The following SIN3B variants were observed in gnomAD, a reference collection of about 807,000 sequenced individuals.
SIN3B encodes SIN3 transcription regulator family member B, also known as paired amphipathic helix protein Sin3b.
A neutral mutation model predicts 120.2 loss-of-function variants in SIN3B; 19 were observed. That is an observed-to-expected ratio of 0.16 (90% CI 0.11 to 0.23). SIN3B has a LOEUF of 0.23. SIN3B is among the 10% of genes least tolerant of loss of function. SIN3B has a pLI of 1.00. For synonymous variants in SIN3B, 654 were observed against 653.2 expected (o/e 1.00, Z -0.02); for missense variants, 1,073 against 1,573.0 (o/e 0.68, Z 5.38).
intron 14 of SIN3B, among the ~76,000 whole-genome samples, chr19:16,874,917 A>T (rs1239763167): frequency 2.0e-5 from 2 of 101,314 alleles, no homozygotes; most frequent in South Asian, 6.4e-4. Context: ...AATCTGGTCT[A>T]GTTTGGTTGG....
chr19:16,877,494 C>T (rs756757507), intron 16 of SIN3B, 51 bp from the exon 17 acceptor site: 3 of 1,348,552 alleles, frequency 2.2e-6, no homozygotes, highest in Non-Finnish European at 3.1e-6. Flanking sequence ...GTAAGAGTGG[C>T]CATAGCCCTG....
chr19:16,863,900 A>G, intron 10 of SIN3B, 104 bp downstream of exon 10: 1 of 795,726 alleles, frequency 1.3e-6, no homozygotes, highest in East Asian at 2.6e-5. Context: ...CGTTTGGAGG[A>G]GCAGGAATTG....
intron 3 of SIN3B, among the ~76,000 whole-genome samples, chr19:16,836,962 C>T (rs56056803): frequency 9.2e-5 from 14 of 152,088 alleles, no homozygotes; most frequent in Non-Finnish European, 1.3e-4. Flanking sequence ...TATTCAGAGG[C>T]CCTGCTTTCA....
Position 16,862,825 on chromosome 19 carries a change from A to G in SIN3B, c.1266+266A>G, listed in dbSNP as rs1599605817. 1.5e-6 allele frequency: 2 copies of G among 1,344,388 alleles called. No individual in the cohort carries two copies. The highest frequency in any genetic ancestry group is 2.3e-5 in the East Asian group (1 of 43,474). The allele number at this position is 1,344,388 out of a possible 1,614,324, so 83.3% of individuals were successfully genotyped here. On this transcript the variant is annotated intron_variant, in intron 9 of 18. Transcript: ENST00000248054. This position sits in a 1 kb window ranked among gnomAD's most constrained non-coding sequence, Gnocchi z 4.7. ...TTCATCTGTTATTTGACTTAGGTTT[A>G]TTGCTGCCATGATTCTGCTCTGTCC...
intron 3 of SIN3B, among the ~76,000 whole-genome samples, chr19:16,840,739 A>C (rs1259308532): frequency 6.6e-6 from 1 of 152,204 alleles, no homozygotes; most frequent in African/African-American, 2.4e-5. Context: ...CAGTGGGTGA[A>C]GCTCACTCTG....
chr19:16,878,174 C>T lies in SIN3B; in HGVS notation c.2955-9C>T, dbSNP rs376379569. 6.4e-6 allele frequency: 10 copies of T among 1,552,722 alleles called. No homozygotes were observed. Among genetic ancestry groups the T allele is most frequent in the African/African-American group, 4.1e-5 (3 of 73,252 alleles). On this transcript the variant is annotated splice_polypyrimidine_tract_variant and intron_variant, in intron 17 of 18. Coordinates refer to ENST00000248054, the MANE Select transcript of SIN3B (RefSeq NM_001297595.2). Reference sequence around the variant, plus strand: ...AGCCAGAGTCCATTCCACCTCCTTTCGCCCCCAGGAACCTCAAGAAGTTCC... The same window carrying T: ...AGCCAGAGTCCATTCCACCTCCTTTTGCCCCCAGGAACCTCAAGAAGTTCC...
intron 3 of SIN3B, among the ~76,000 whole-genome samples, chr19:16,835,087 C>T (rs566972924): frequency 6.4e-4 from 97 of 151,714 alleles, no homozygotes; most frequent in Admixed American, 1.3e-3. Context: ...CCAGCGCGCC[C>T]GACTAATTTT....
chr19:16,868,827 T>C (rs1971814745), intron 12 of SIN3B, among the ~76,000 whole-genome samples: 1 of 151,990 alleles, frequency 6.6e-6, no homozygotes, highest in African/African-American at 2.4e-5. Context: ...GGTGACATGA[T>C]GGTGGTAGCA....
chr19:16,859,142 C>A (rs555527308), intron 8 of SIN3B, among the ~76,000 whole-genome samples: 1 of 151,948 alleles, frequency 6.6e-6, no homozygotes, highest in African/African-American at 2.4e-5. Flanking sequence ...AGAGTGAGAA[C>A]CTGTCTCAAA....
chr19:16,877,634 G>A lies in SIN3B; in HGVS notation c.2949G>A (p.Leu983=), dbSNP rs1210291505. 3 of 1,605,680 alleles carry A rather than the reference G, an allele frequency of 1.9e-6. No homozygotes were observed. Among genetic ancestry groups the A allele is most frequent in the Non-Finnish European group, 2.6e-6 (3 of 1,175,230 alleles). Residue 983 remains leucine, a synonymous_variant, in exon 17 of 19, where the codon CTG becomes CTA. Coordinates refer to ENST00000248054, the MANE Select transcript of SIN3B (RefSeq NM_001297595.2). ...TEGFLLKPVF[L]QRNLKKFRRR... is the part of the protein sequence containing the mutation. ...GCTTCCTCCTGAAACCTGTGTTCCT[G>A]CAGAGGTAAGAGGCCCTGAGATGCA...
At position 16,876,409 on chromosome 19, in the gene SIN3B, C is replaced by G. The variant is rs572047687; in HGVS notation, c.2767-77C>G. On this transcript the variant is annotated intron_variant, in intron 15 of 18. Transcript: ENST00000248054. This position sits in a 1 kb window ranked among gnomAD's most constrained non-coding sequence, Gnocchi z 7.1. ...TTGGGAGGGTGGCAAAGGCGGGAGGCGGGTGGCCTTGCGAGCCTGCGCTGT... is the reference window on the plus strand; with the variant it reads ...TTGGGAGGGTGGCAAAGGCGGGAGGGGGGTGGCCTTGCGAGCCTGCGCTGT... 6.7e-7 allele frequency: 1 copy of G among 1,482,898 alleles called. No individual in the cohort carries two copies. Among genetic ancestry groups the G allele is most frequent in the African/African-American group, 1.4e-5 (1 of 72,656 alleles). The allele number at this position is 1,482,898 out of a possible 1,614,324, so 91.9% of individuals were successfully genotyped here. A position where few individuals can be genotyped will look rare whatever the true frequency, so the allele number is the denominator to read the frequency against.
chr19:16,857,499 C>G (rs1287924106), intron 8 of SIN3B, among the ~76,000 whole-genome samples: 3 of 120,998 alleles, frequency 2.5e-5, no homozygotes, highest in African/African-American at 9.0e-5. Context: ...AGCCCTTTTG[C>G]ATTAACTTAA....
Position 16,871,092 on chromosome 19 carries a change from C to T in SIN3B, c.2423-137C>T, listed in dbSNP as rs552490646. The stretch of plus-strand genomic sequence containing the variant: ...TACTCGGGTTTCCTGGTGATTCCCA[C>T]ATTTGCCCCAGGGGTGGCAGGTGAG... On this transcript the variant is annotated intron_variant, in intron 13 of 18. Coordinates refer to ENST00000248054, the MANE Select transcript of SIN3B (RefSeq NM_001297595.2). 2.1e-5 allele frequency: 22 copies of T among 1,065,332 alleles called. No individual in the cohort carries two copies. The Admixed American group carries it at 4.1e-4, about 20-fold the overall frequency. The allele number at this position is 1,065,332 out of a possible 1,614,324, so 66.0% of individuals were successfully genotyped here.
chr19:16,834,026 A>G (rs943178881), intron 3 of SIN3B, among the ~76,000 whole-genome samples: 1 of 152,016 alleles, frequency 6.6e-6, no homozygotes, highest in African/African-American at 2.4e-5. Context: ...CACCCAGCTG[A>G]ATCTCAGCTT....
chr19:16,856,071 A>G (rs889698171), intron 8 of SIN3B, among the ~76,000 whole-genome samples: 8 of 152,120 alleles, frequency 5.3e-5, no homozygotes, highest in Middle Eastern at 3.4e-3. Flanking sequence ...AAATATATGT[A>G]TATATATTAT....
intron 3 of SIN3B, among the ~76,000 whole-genome samples, chr19:16,840,787 G>C (rs564541325): frequency 6.6e-6 from 1 of 152,304 alleles, no homozygotes; most frequent in East Asian, 1.9e-4. Context: ...ATACAGCCCT[G>C]ATCAAAACCC....
chr19:16,855,277 A>G (rs145085494), intron 8 of SIN3B: 34 of 145,330 alleles, frequency 2.3e-4, no homozygotes, highest in African/African-American at 8.6e-4. Context: ...CCTCAGCCGG[A>G]GTCTGTTCCA....
intron 6 of SIN3B, 35 bp downstream of exon 6, chr19:16,851,569 C>A (rs372007786): frequency 1.9e-6 from 3 of 1,543,762 alleles, no homozygotes; most frequent in Non-Finnish European, 2.6e-6. Context: ...TGCCTGCACG[C>A]GGGGCCCCCA....
rs910146100 is a variant in SIN3B, at chr19:16,865,309, C to CT, written c.1384-101_1384-100insT. ...ACCCTATCTCTTAAATACACACACCCCCCCCCCAAAAAAATCCTCTGGTCT... is the reference window on the plus strand; with the variant it reads ...ACCCTATCTCTTAAATACACACACCCTCCCCCCCAAAAAAATCCTCTGGTCT... On this transcript the variant is annotated intron_variant, in intron 10 of 18. Coordinates refer to ENST00000248054, the MANE Select transcript of SIN3B (RefSeq NM_001297595.2). 3.1e-4 allele frequency: 171 copies of CT among 544,848 alleles called. 17 individuals are homozygous for CT. The highest frequency in any genetic ancestry group is 1.2e-3 in the Middle Eastern group (2 of 1,734). 33.8% of individuals were successfully genotyped at this position (544,848 alleles called of 1,614,324 possible).
Sources: allele counts gnomAD v4.1 joint callset (sites outside exome capture counted in the v4.1 genomes callset), GRCh38; gene constraint gnomAD v4.1.1; non-coding constraint Gnocchi (gnomAD v3.1); transcripts MANE v1.5; gene names NCBI Gene and HGNC (gene_info 2026-07-23, HGNC 2026-07-21).